The following ARFGEF3 variants were observed in gnomAD, a reference collection of about 807,000 sequenced individuals.
The protein encoded by ARFGEF3 is brefeldin A-inhibited guanine nucleotide-exchange protein 3.
Under a neutral mutation model 221.7 loss-of-function variants are expected in ARFGEF3, and 96 were observed. That is an observed-to-expected ratio of 0.43 (90% CI 0.37 to 0.51). The LOEUF (loss-of-function observed/expected upper bound fraction) is 0.51, where lower values mean the gene tolerates loss of function less well. ARFGEF3 is among the 20% of genes least tolerant of loss of function. The pLI is 0.00. For synonymous variants in ARFGEF3, 1,145 were observed against 1,126.8 expected (o/e 1.02, Z -0.32); for missense variants, 2,410 against 2,789.9 (o/e 0.86, Z 3.07).
At chr6:138,287,783 T>A (rs968287136) in intron 17 of ARFGEF3, among the ~76,000 whole-genome samples, 25 of 152,046 alleles carry the variant, frequency 1.6e-4, no homozygotes, top group African/African-American at 5.6e-4. Context: ...AAAGGAAAAA[T>A]GCCAGCTTGG....
At chr6:138,280,487 A>T (rs971754496) in intron 14 of ARFGEF3, among the ~76,000 whole-genome samples, 15 of 152,250 alleles carry the variant, frequency 9.9e-5, no homozygotes, top group Admixed American at 5.9e-4. Context: ...AAGTTCTCAC[A>T]TGCTAATAGT....
At chr6:138,270,667 T>G (rs1392265495) in intron 12 of ARFGEF3, among the ~76,000 whole-genome samples, 1 of 152,216 alleles carries the variant, frequency 6.6e-6, no homozygotes, top group Non-Finnish European at 1.5e-5. Flanking sequence ...AAGGTGAGGA[T>G]TCATCCAAAA....
intron 27 of ARFGEF3, among the ~76,000 whole-genome samples, 188 bp from the exon 28 acceptor site, chr6:138,319,515 A>G (rs1441877758): frequency 3.9e-5 from 6 of 152,092 alleles, no homozygotes; most frequent in Non-Finnish European, 8.8e-5. Flanking sequence ...ACATAACTAA[A>G]ACCCCGCAGA....
chr6:138,287,152 A>C lies in ARFGEF3; in HGVS notation c.2864A>C (p.Glu955Ala), dbSNP rs769734491. The change falls in exon 17 of 34, where the codon GAG (glutamate) becomes GCG (alanine). Residue 955 changes from glutamate (E) to alanine (A), a missense_variant. This residue lies in a region of ARFGEF3 where 594 missense variants were observed against 734.3 expected (regional missense o/e 0.81). Coordinates refer to ENST00000251691, the MANE Select transcript of ARFGEF3 (RefSeq NM_020340.5). ...SCVQEEKEER[E>A]AQEPSDAITQ... ...GTCCAAGAAGAAAAAGAAGAGAGGG[A>C]GGCCCAAGAACCCAGTGATGCCATC... 1.3e-6 allele frequency: 2 copies of C among 1,570,066 alleles called. No homozygotes were observed. Among genetic ancestry groups the C allele is most frequent in the Non-Finnish European group, 1.7e-6 (2 of 1,157,246 alleles).
chr6:138,263,013 C>A lies in ARFGEF3; in HGVS notation c.1530C>A (p.Asp510Glu). ...SLDISISVTT[D>E]TGQTTLEGEL... ...ACATCAGCATCAGTGTCACCACAGA[C>A]ACAGGCCAGACCACTCTCGAGGGAG... Residue 510 changes from aspartate (D) to glutamate (E), a missense_variant, in exon 12 of 34, where the codon GAC becomes GAA. Around this residue, in one of 5 missense-constraint regions of ARFGEF3, gnomAD observed 594 missense variants for 734.3 expected, o/e 0.81. Transcript: ENST00000251691. The A allele has an allele frequency of 6.2e-7, 1 of 1,603,856 alleles. No individual in the cohort carries two copies. The highest frequency in any genetic ancestry group is 8.5e-7 in the Non-Finnish European group (1 of 1,175,306).
intron 1 of ARFGEF3, among the ~76,000 whole-genome samples, chr6:138,165,480 G>T (rs142017440): frequency 2.0e-5 from 3 of 151,128 alleles, no homozygotes; most frequent in Non-Finnish European, 4.4e-5. Context: ...CCTCATGGGA[G>T]AGAGGGGGTC....
At chr6:138,248,759 G>A (rs1174027697) in intron 8 of ARFGEF3, among the ~76,000 whole-genome samples, 1 of 152,180 alleles carries the variant, frequency 6.6e-6, no homozygotes, top group Non-Finnish European at 1.5e-5. Context: ...CAGGGAGGCA[G>A]AGGTTGCATG....
intron 12 of ARFGEF3, among the ~76,000 whole-genome samples, chr6:138,277,191 A>G (rs1472708108): frequency 2.6e-5 from 4 of 152,076 alleles, no homozygotes; most frequent in African/African-American, 7.2e-5. Flanking sequence ...TATTTCTTCT[A>G]ATTTATTCTA....
At chr6:138,217,799 T>C (rs1777899160) in intron 4 of ARFGEF3, 1 of 815,758 alleles carries the variant, frequency 1.2e-6, no homozygotes, top group African/African-American at 1.7e-5. Context: ...AGTTCAAGAT[T>C]GAGAAAGATC....
chr6:138,206,337 T>C (rs9494964), intron 2 of ARFGEF3, among the ~76,000 whole-genome samples: 1 of 149,706 alleles, frequency 6.7e-6, no homozygotes, highest in Admixed American at 6.8e-5. Context: ...TATCCAAATA[T>C]CTCTCCTTTT....
intron 14 of ARFGEF3, among the ~76,000 whole-genome samples, chr6:138,281,670 G>A (rs1779199245): frequency 6.6e-6 from 1 of 152,200 alleles, no homozygotes; most frequent in East Asian, 1.9e-4. Context: ...GTTGTGTAGT[G>A]TTCCGTGGTG....
intron 2 of ARFGEF3, among the ~76,000 whole-genome samples, chr6:138,193,207 A>G (rs1777343960): frequency 1.3e-5 from 2 of 152,128 alleles, no homozygotes; most frequent in Non-Finnish European, 2.9e-5. Context: ...TGCATTTACA[A>G]TCTCATTTGG....
intron 22 of ARFGEF3, among the ~76,000 whole-genome samples, chr6:138,301,535 A>T (rs1020060982): frequency 3.3e-5 from 5 of 152,192 alleles, no homozygotes; most frequent in African/African-American, 1.2e-4. Context: ...TGAACAGGGG[A>T]ATCCTCAATC....
At chr6:138,172,760 A>G (rs907395781) in intron 2 of ARFGEF3, among the ~76,000 whole-genome samples, 12 of 152,196 alleles carry the variant, frequency 7.9e-5, no homozygotes, top group Non-Finnish European at 1.5e-4. Flanking sequence ...AACAGAAAAT[A>G]CTTCTTCATA....
intron 14 of ARFGEF3, among the ~76,000 whole-genome samples, chr6:138,283,098 G>A (rs1333740570): frequency 6.6e-6 from 1 of 151,944 alleles, no homozygotes; most frequent in Non-Finnish European, 1.5e-5. Context: ...ATGTATGAGA[G>A]CCATTTATTT....
chr6:138,183,966 A>G (rs1338723884), intron 2 of ARFGEF3, among the ~76,000 whole-genome samples: 3 of 152,024 alleles, frequency 2.0e-5, no homozygotes, highest in South Asian at 4.1e-4. Flanking sequence ...TCTCCCCCAT[A>G]TTGGGGCAGA....
rs372009484 is a variant in ARFGEF3 at position 138,255,468 on chromosome 6, T to C, written c.803T>C (p.Leu268Ser). 24 of 1,610,456 alleles carry C rather than the reference T, an allele frequency of 1.5e-5. No homozygotes were observed. The highest frequency in any genetic ancestry group is 2.0e-5 in the Non-Finnish European group (23 of 1,177,058). The change falls in exon 10 of 34, where the codon TTG (leucine) becomes TCG (serine). Residue 268 changes from leucine to serine, a missense_variant. Around this residue, in one of 5 missense-constraint regions of ARFGEF3, gnomAD observed 570 missense variants for 586.9 expected, o/e 0.97. Coordinates refer to ENST00000251691, the MANE Select transcript of ARFGEF3 (RefSeq NM_020340.5). ...KNLCPALIVI[L>S]GNPIHDKTIT... ...CTCTGCCCTGCTCTCATCGTGATCT[T>C]GGGGAATCCAATTCATGACAAAACC... is the stretch of plus-strand genomic sequence containing the variant.
intron 4 of ARFGEF3, among the ~76,000 whole-genome samples, chr6:138,214,185 C>G (rs1777790135): frequency 6.6e-6 from 1 of 152,168 alleles, no homozygotes; most frequent in South Asian, 2.1e-4. Context: ...AATACCATTA[C>G]TGTATTAAAT....
chr6:138,296,473 C>T (rs1779521889), intron 20 of ARFGEF3, among the ~76,000 whole-genome samples: 1 of 152,128 alleles, frequency 6.6e-6, no homozygotes, highest in Non-Finnish European at 1.5e-5. Flanking sequence ...CCCAGTATAA[C>T]ACAACTACTA....
Sources: gnomAD v4.1 joint callset for allele counts (sites outside exome capture counted in the v4.1 genomes callset) on GRCh38, gnomAD v4.1.1 for gene constraint, gnomAD v4.1.1 regional missense constraint, MANE v1.5 for transcripts, NCBI Gene and HGNC (gene_info 2026-07-23, HGNC 2026-07-21) for gene names.